Variants in ITM2B observed in about 807,000 individuals in gnomAD.
The protein encoded by ITM2B is integral membrane protein 2B, also known as ABri/ADan amyloid peptide.
Under a neutral mutation model 27.8 loss-of-function variants are expected in ITM2B, and 11 were observed. The ratio of observed to expected loss-of-function variants is 0.40; its 90% CI spans 0.25 to 0.66. The LOEUF (loss-of-function observed/expected upper bound fraction) is 0.66, where lower values mean the gene tolerates loss of function less well. Among genes scored for constraint, ITM2B ranks in the 30% least tolerant of loss-of-function variants. The pLI is 0.43. For synonymous variants in ITM2B, 114 were observed against 114.3 expected, an observed-to-expected ratio of 1.00 and a Z score of 0.02; for missense variants, 296 against 328.9, an observed-to-expected ratio of 0.90 and a Z score of 0.77.
At chr13:48,246,889 C>T (rs1048202738) in intron 1 of ITM2B, among the ~76,000 whole-genome samples, 8 of 152,174 alleles carry the variant, frequency 5.3e-5, no homozygotes, top group African/African-American at 1.7e-4. Flanking sequence ...AGTGCAGTGG[C>T]ATCATCTCAG....
chr13:48,234,941 G>T (rs1951658511), intron 1 of ITM2B, among the ~76,000 whole-genome samples: 1 of 152,126 alleles, frequency 6.6e-6, no homozygotes, highest in South Asian at 2.1e-4. Flanking sequence ...AACATTCGTT[G>T]TACCTAAAAT....
At chr13:48,259,170 G>C (rs911438865) in intron 5 of ITM2B, among the ~76,000 whole-genome samples, 1 of 152,192 alleles carries the variant, frequency 6.6e-6, no homozygotes. Context: ...TCATTGCCTT[G>C]AGATGATGGT....
rs1209175432 is a variant in ITM2B, at chr13:48,261,400, C to T, written c.*176C>T. On this transcript the variant is annotated 3_prime_UTR_variant, in exon 6 of 6. Transcript: ENST00000647800. ...CCATTACCTTAAAATTTTTTTCTTTCGAAGTGTGGTGTCTTTTATATTTGA... is the reference window on the plus strand; with the variant it reads ...CCATTACCTTAAAATTTTTTTCTTTTGAAGTGTGGTGTCTTTTATATTTGA... 2.0e-5 allele frequency: 11 copies of T among 547,318 alleles called. No individual in the cohort carries two copies. Among genetic ancestry groups the T allele is most frequent in the African/African-American group, 5.7e-5 (3 of 52,186 alleles). The allele number at this position is 547,318 out of a possible 1,614,324, so 33.9% of individuals were successfully genotyped here. A position where few individuals can be genotyped will look rare whatever the true frequency, so the allele number is the denominator to read the frequency against.
intron 1 of ITM2B, among the ~76,000 whole-genome samples, chr13:48,246,191 TTTAAC>T (rs1230903501): frequency 3.9e-5 from 6 of 152,228 alleles, no homozygotes; most frequent in African/African-American, 1.4e-4. Flanking sequence ...TAAATACTAA[TTTAAC>T]TTAACTAAAT....
chr13:48,258,201 C>A lies in ITM2B; in HGVS notation c.529C>A (p.Pro177Thr). 1 of 1,593,408 alleles carries A rather than the reference C, an allele frequency of 6.3e-7. No homozygotes were observed. Among genetic ancestry groups the A allele is most frequent in the Non-Finnish European group, 8.6e-7 (1 of 1,161,382 alleles). The change falls in exon 4 of 6, where the codon CCC becomes ACC. Residue 177 changes from proline to threonine, a missense_variant. Transcript: ENST00000647800. ...TCTGAACACTTCCATTGTTATGCCACCCAGAAACCTACTGGAGTTACTTAT... is the reference window on the plus strand; with the variant it reads ...TCTGAACACTTCCATTGTTATGCCAACCAGAAACCTACTGGAGTTACTTAT... Reference protein sequence around the residue: ...IPLNTSIVMPPRNLLELLINI... With the variant: ...IPLNTSIVMPTRNLLELLINI...
rs1156459322 is a variant in ITM2B at position 48,264,173 on chromosome 13, A to C, written c.*2949A>C. 1 of 152,172 alleles carries C rather than the reference A, an allele frequency of 6.6e-6. No individual in the cohort carries two copies. Among genetic ancestry groups the C allele is most frequent in the African/African-American group, 2.4e-5 (1 of 41,442 alleles). 9.4% of individuals were successfully genotyped at this position (152,172 alleles called of 1,614,324 possible). A position where few individuals can be genotyped will look rare whatever the true frequency, so the allele number is the denominator to read the frequency against. On this transcript the variant is annotated 3_prime_UTR_variant, in exon 6 of 6. Transcript: ENST00000647800. Reference sequence around the variant, plus strand: ...GCTGAGAATTAAAATAATAGGCATGAAAATGCTTCATACAGCTCTGTACAG... The same window carrying C: ...GCTGAGAATTAAAATAATAGGCATGCAAATGCTTCATACAGCTCTGTACAG...
intron 4 of ITM2B, 132 bp from the exon 5 acceptor site, chr13:48,258,663 TAA>T: frequency 1.2e-6 from 1 of 802,806 alleles, no homozygotes; most frequent in Non-Finnish European, 2.1e-6. Context: ...AGTGAGAACA[TAA>T]ACAAACAGAT....
At chr13:48,237,776 G>A (rs1329270693) in intron 1 of ITM2B, among the ~76,000 whole-genome samples, 1 of 152,098 alleles carries the variant, frequency 6.6e-6, no homozygotes, top group Non-Finnish European at 1.5e-5. Context: ...TAACTTAAAT[G>A]TCTGGCGTGT....
intron 1 of ITM2B, among the ~76,000 whole-genome samples, chr13:48,243,853 A>G (rs1951712230): frequency 6.6e-6 from 1 of 151,956 alleles, no homozygotes; most frequent in African/African-American, 2.4e-5. Context: ...AAGTATATAT[A>G]TTTAATAAAA....
At chr13:48,257,387 C>T (rs1245391360) in intron 3 of ITM2B, among the ~76,000 whole-genome samples, 2 of 152,146 alleles carry the variant, frequency 1.3e-5, no homozygotes, top group African/African-American at 4.8e-5. Context: ...TTCAGAGATT[C>T]AGAAGTTCAT....
intron 1 of ITM2B, among the ~76,000 whole-genome samples, chr13:48,243,717 T>C (rs892195588): frequency 2.0e-5 from 3 of 151,910 alleles, no homozygotes; most frequent in African/African-American, 7.3e-5. Flanking sequence ...CTTGGGAGGC[T>C]GAGGTAGGAG....
chr13:48,268,142 C>A lies in ITM2B; in HGVS notation c.*6918C>A, dbSNP rs1008197890. On this transcript the variant is annotated 3_prime_UTR_variant, in exon 6 of 6. Transcript: ENST00000647800. ...TTCTTGAACTTTATTTGAATGGAAT[C>A]GTACATATATAATCTTTTTGTTTGG... The A allele has an allele frequency of 1.3e-5, 2 of 152,054 alleles. No homozygotes were observed. The highest frequency in any genetic ancestry group is 2.9e-5 in the Non-Finnish European group (2 of 68,018). 9.4% of individuals were successfully genotyped at this position (152,054 alleles called of 1,614,324 possible).
At chr13:48,242,945 A>G (rs1951708085) in intron 1 of ITM2B, among the ~76,000 whole-genome samples, 1 of 152,184 alleles carries the variant, frequency 6.6e-6, no homozygotes, top group Non-Finnish European at 1.5e-5. Flanking sequence ...GTAAACAAAC[A>G]TTTCACTGGA....
intron 2 of ITM2B, among the ~76,000 whole-genome samples, chr13:48,254,217 C>T (rs565523599): frequency 1.2e-4 from 19 of 152,102 alleles, no homozygotes; most frequent in Non-Finnish European, 2.6e-4. Flanking sequence ...TATTTTCCTA[C>T]TATAATTAAG....
chr13:48,245,510 G>T (rs946037414), intron 1 of ITM2B, among the ~76,000 whole-genome samples: 1 of 150,014 alleles, frequency 6.7e-6, no homozygotes, highest in Non-Finnish European at 1.5e-5. Flanking sequence ...TTATGATCCA[G>T]TTCTAAATGC....
At chr13:48,238,268 A>G (rs1951680055) in intron 1 of ITM2B, among the ~76,000 whole-genome samples, 1 of 152,210 alleles carries the variant, frequency 6.6e-6, no homozygotes, top group Non-Finnish European at 1.5e-5. Flanking sequence ...AAGGAGATCT[A>G]CAATACAACC....
At chr13:48,233,801 G>C (rs1951650935) in intron 1 of ITM2B, among the ~76,000 whole-genome samples, 2 of 152,124 alleles carry the variant, frequency 1.3e-5, no homozygotes, top group African/African-American at 4.8e-5. Flanking sequence ...TTCGATCTGG[G>C]GACCGGCAGC....
rs1426117898 is a variant in ITM2B at position 48,265,090 on chromosome 13, TTAAAA to T, written c.*3870_*3874del. On this transcript the variant is annotated 3_prime_UTR_variant, in exon 6 of 6. Transcript: ENST00000647800. ...CAAGATAATCCTAGCTTCCTCCCAC[TTAAAA>T]TAATTTGATGGGACTTCTGTATCTG... 2 of 152,154 alleles carry T rather than the reference TTAAAA, an allele frequency of 1.3e-5. No homozygotes were observed. The highest frequency in any genetic ancestry group is 4.8e-5 in the African/African-American group (2 of 41,436). 9.4% of individuals were successfully genotyped at this position (152,154 alleles called of 1,614,324 possible).
chr13:48,245,218 C>A (rs1313696085), intron 1 of ITM2B, among the ~76,000 whole-genome samples: 7 of 151,740 alleles, frequency 4.6e-5, no homozygotes, highest in African/African-American at 1.5e-4. Context: ...CCCAGCTACT[C>A]GGAAGGCTGA....
Sources: allele counts gnomAD v4.1 joint callset (sites outside exome capture counted in the v4.1 genomes callset), GRCh38; gene constraint gnomAD v4.1.1; transcripts MANE v1.5; gene names NCBI Gene and HGNC (gene_info 2026-07-23, HGNC 2026-07-21).